Variants in NELL1 observed in about 807,000 individuals in gnomAD.
The protein encoded by NELL1 is neural EGFL like 1.
Under a neutral mutation model 107.4 loss-of-function variants are expected in NELL1, and 76 were observed. The ratio of observed to expected loss-of-function variants is 0.71; its 90% confidence interval spans 0.59 to 0.86. The LOEUF is 0.86. NELL1 is among the 40% of genes least tolerant of loss of function. The probability of loss-of-function intolerance (pLI) is 0.00; values close to 1 mark genes in which losing one functional copy is unlikely to be tolerated. For synonymous variants in NELL1, 353 were observed against 341.2 expected, an observed-to-expected ratio of 1.03 and a Z score of -0.38; for missense variants, 1,024 against 1,005.5, an observed-to-expected ratio of 1.02 and a Z score of -0.25.
At chr11:20,745,624 G>A (rs991097855) in intron 2 of NELL1, among the ~76,000 whole-genome samples, 4 of 152,062 alleles carry the variant, frequency 2.6e-5, no homozygotes, top group Admixed American at 1.3e-4. Flanking sequence ...AGTAATCTTT[G>A]GCTGTATACA....
chr11:21,193,729 T>C (rs1857094171), intron 13 of NELL1, among the ~76,000 whole-genome samples: 1 of 151,930 alleles, frequency 6.6e-6, no homozygotes, highest in African/African-American at 2.4e-5. Flanking sequence ...TTGATGTTCT[T>C]GATTTTTCCT....
chr11:20,748,911 CCCAT>C (rs71063663), intron 2 of NELL1, among the ~76,000 whole-genome samples: 11,253 of 143,940 alleles, frequency 0.078, 522 homozygotes, highest in African/African-American at 0.11. Flanking sequence ...CACCCAGCCA[CCCAT>C]CCATCCATCC....
chr11:21,464,384 C>T (rs934633319), intron 15 of NELL1, among the ~76,000 whole-genome samples: 3 of 132,610 alleles, frequency 2.3e-5, no homozygotes, highest in Non-Finnish European at 4.7e-5. Flanking sequence ...GACAACTATT[C>T]TATGAATATG....
At chr11:20,886,950 G>C (rs1408458165) in intron 5 of NELL1, among the ~76,000 whole-genome samples, 1 of 152,122 alleles carries the variant, frequency 6.6e-6, no homozygotes, top group African/African-American at 2.4e-5. Flanking sequence ...CATTGTAATT[G>C]AGATAAAGAA....
chr11:21,452,473 C>T (rs926895032), intron 15 of NELL1, among the ~76,000 whole-genome samples: 1 of 152,008 alleles, frequency 6.6e-6, no homozygotes, highest in African/African-American at 2.4e-5. Context: ...AATTTATTGA[C>T]ATACAGTTTT....
intron 9 of NELL1, among the ~76,000 whole-genome samples, chr11:20,936,282 C>T (rs1850723230): frequency 6.6e-6 from 1 of 152,168 alleles, no homozygotes; most frequent in African/African-American, 2.4e-5. Flanking sequence ...TGGCTCTCTA[C>T]AGCCCTATAC....
At chr11:20,806,598 T>A (rs1857389782) in intron 3 of NELL1, among the ~76,000 whole-genome samples, 1 of 152,200 alleles carries the variant, frequency 6.6e-6, no homozygotes, top group African/African-American at 2.4e-5. Context: ...GGGAAGCTCC[T>A]TGTTATTATC....
rs527347387 is a variant in NELL1, at chr11:21,135,807, TC to T, written c.1426+22094del. Among the ~76,000 whole-genome samples, 636 of 152,296 alleles carry T rather than the reference TC, an allele frequency of 4.2e-3. 5 individuals carry two copies. The highest frequency in any genetic ancestry group is 0.015 in the African/African-American group (617 of 41,548). On this transcript the variant is annotated intron_variant, in intron 13 of 19. Coordinates refer to ENST00000357134, the MANE Select transcript of NELL1 (RefSeq NM_006157.5). ...CTCTCTCATGTAACTTTATGTATTT[TC>T]ATATGGTTATATAGATTTGAAGTAA...
intron 12 of NELL1, among the ~76,000 whole-genome samples, chr11:20,966,981 C>A (rs1468550022): frequency 6.6e-6 from 1 of 152,066 alleles, no homozygotes; most frequent in Non-Finnish European, 1.5e-5. Flanking sequence ...AGGAATGAAC[C>A]CCAGTCAAAC....
At chr11:21,274,490 C>G (rs182193803) in intron 14 of NELL1, among the ~76,000 whole-genome samples, 10 of 152,274 alleles carry the variant, frequency 6.6e-5, no homozygotes, top group African/African-American at 2.4e-4. Flanking sequence ...GACAGATCAA[C>G]AAGACAGAAA....
rs192685645 is a variant in NELL1 at position 20,732,051 on chromosome 11, T to C, written c.185-51629T>C. On this transcript the variant is annotated intron_variant, in intron 2 of 19. Coordinates refer to ENST00000357134, the MANE Select transcript of NELL1 (RefSeq NM_006157.5). ...GGAGTCCTCTGGGACCCATCCTTTC[T>C]AGGACTTGCCTAGCTTTCTGCTGGG... 1.8e-3 allele frequency among the ~76,000 whole-genome samples: 279 copies of C among 152,316 alleles called. 1 individual carries two copies. The highest frequency in any genetic ancestry group is 6.3e-3 in the African/African-American group (261 of 41,590).
At chr11:20,770,055 G>A (rs1234759304) in intron 2 of NELL1, among the ~76,000 whole-genome samples, 24 of 152,086 alleles carry the variant, frequency 1.6e-4, no homozygotes, top group Admixed American at 1.4e-3. Context: ...CCTAGGACAC[G>A]CAAGAACCAA....
At chr11:21,514,045 T>G (rs181933607) in intron 15 of NELL1, among the ~76,000 whole-genome samples, 1 of 152,210 alleles carries the variant, frequency 6.6e-6, no homozygotes, top group Non-Finnish European at 1.5e-5. Flanking sequence ...ACATAAAACT[T>G]GATTAATCTT....
At chr11:21,155,269 G>A (rs948808715) in intron 13 of NELL1, among the ~76,000 whole-genome samples, 1 of 152,148 alleles carries the variant, frequency 6.6e-6, no homozygotes, top group African/African-American at 2.4e-5. Flanking sequence ...AGTTTGGACA[G>A]ATTGGGTCCA....
At chr11:21,324,532 C>G (rs941883757) in intron 14 of NELL1, among the ~76,000 whole-genome samples, 2 of 152,038 alleles carry the variant, frequency 1.3e-5, no homozygotes, top group Non-Finnish European at 2.9e-5. Flanking sequence ...TAAAGAAACC[C>G]TAGTGGCAAC....
chr11:21,252,780 A>G (rs1858673380), intron 14 of NELL1, among the ~76,000 whole-genome samples: 1 of 152,176 alleles, frequency 6.6e-6, no homozygotes, highest in African/African-American at 2.4e-5. Flanking sequence ...AGGATAAGTA[A>G]GAAGGTCATT....
intron 12 of NELL1, among the ~76,000 whole-genome samples, chr11:20,979,538 A>G (rs1851707384): frequency 6.6e-6 from 1 of 152,214 alleles, no homozygotes; most frequent in African/African-American, 2.4e-5. Flanking sequence ...GTAAAGTTGG[A>G]AATAATGGAA....
intron 15 of NELL1, among the ~76,000 whole-genome samples, chr11:21,531,047 A>C (rs1855978672): frequency 6.6e-6 from 1 of 152,178 alleles, no homozygotes; most frequent in Non-Finnish European, 1.5e-5. Flanking sequence ...AAAGGAAATC[A>C]CTGTGATAGG....
chr11:21,362,618 T>C (rs1305059430), intron 14 of NELL1, among the ~76,000 whole-genome samples: 1 of 152,198 alleles, frequency 6.6e-6, no homozygotes, highest in Admixed American at 6.5e-5. Flanking sequence ...TTGGTTGGCC[T>C]CCAGCCAAGA....
Sources: gnomAD v4.1 joint callset for allele counts (sites outside exome capture counted in the v4.1 genomes callset) on GRCh38, gnomAD v4.1.1 for gene constraint, MANE v1.5 for transcripts, NCBI Gene and HGNC (gene_info 2026-07-23, HGNC 2026-07-21) for gene names.